The following APBA1 variants were observed in gnomAD, a reference collection of about 807,000 sequenced individuals.
The protein encoded by APBA1 is amyloid-beta A4 precursor protein-binding family A member 1.
Under a neutral mutation model 86.6 loss-of-function variants are expected in APBA1, and 55 were observed. The observed-to-expected ratio is 0.64, with a 90% CI of 0.51 to 0.80. The LOEUF (loss-of-function observed/expected upper bound fraction) is 0.80, where lower values mean the gene tolerates loss of function less well. APBA1 is among the 30% of genes least tolerant of loss of function. The pLI is 0.00. For missense variants in APBA1, 1,090 were observed against 1,183.0 expected, an observed-to-expected ratio of 0.92 and a Z score of 1.15; for synonymous variants, 511 against 493.9, an observed-to-expected ratio of 1.03 and a Z score of -0.46.
chr9:69,631,136 T>A (rs1490468894), intron 1 of APBA1, among the ~76,000 whole-genome samples: 3 of 152,184 alleles, frequency 2.0e-5, no homozygotes, highest in Non-Finnish European at 4.4e-5. Context: ...GCTGTTAGTG[T>A]CCTCCTGAAG....
At chr9:69,659,087 C>T (rs1823701613) in intron 1 of APBA1, among the ~76,000 whole-genome samples, 1 of 152,162 alleles carries the variant, frequency 6.6e-6, no homozygotes, top group Non-Finnish European at 1.5e-5. Flanking sequence ...ACACACAAAC[C>T]CTCTTCTTGG....
At chr9:69,515,696 G>C (rs1020820662) in intron 2 of APBA1, among the ~76,000 whole-genome samples, 1 of 43,594 alleles carries the variant, frequency 2.3e-5, no homozygotes, top group African/African-American at 7.5e-5. Context: ...AAACTGGGGG[G>C]GGGGGGGGCG....
intron 11 of APBA1, among the ~76,000 whole-genome samples, chr9:69,433,288 G>A (rs568815286): frequency 6.6e-6 from 1 of 152,346 alleles, no homozygotes; most frequent in South Asian, 2.1e-4. Context: ...GAGGTTGCAG[G>A]CGGGGCTGAT....
chr9:69,642,270 A>G (rs1174598337), intron 1 of APBA1, among the ~76,000 whole-genome samples: 1 of 152,270 alleles, frequency 6.6e-6, no homozygotes, highest in African/African-American at 2.4e-5. Context: ...CAACTCAATA[A>G]GATGACAAAC....
chr9:69,523,522 T>C (rs1485305742), intron 1 of APBA1, among the ~76,000 whole-genome samples: 64 of 37,776 alleles, frequency 1.7e-3, no homozygotes, highest in Admixed American at 3.2e-3. Flanking sequence ...TATATATATA[T>C]ATATATATAT....
rs1036544238 is a variant in APBA1, at chr9:69,510,662, C to T, written c.1200+5349G>A. On this transcript the variant is annotated intron_variant, in intron 2 of 12. Transcript: ENST00000265381. ...AAGCTGGAGGCATCACGCTACCTGACTTCAAACTATACTACAAGGCTACAG... is the reference window on the plus strand; with the variant it reads ...AAGCTGGAGGCATCACGCTACCTGATTTCAAACTATACTACAAGGCTACAG... Among the ~76,000 whole-genome samples the T allele has an allele frequency of 1.4e-4, 20 of 143,188 alleles. 2 individuals carry two copies. Among genetic ancestry groups the T allele is most frequent in the Non-Finnish European group, 2.1e-4 (14 of 66,936 alleles). The allele number at this position is 143,188 out of a possible 152,430, so 93.9% of individuals were successfully genotyped here. A position where few individuals can be genotyped will look rare whatever the true frequency, so the allele number is the denominator to read the frequency against.
chr9:69,611,928 T>C (rs551945545), intron 1 of APBA1, among the ~76,000 whole-genome samples: 5 of 152,300 alleles, frequency 3.3e-5, no homozygotes, highest in Admixed American at 2.0e-4. Flanking sequence ...AATTAACAAA[T>C]AAGCTAGTTT....
chr9:69,475,705 C>T (rs570226869), intron 3 of APBA1, among the ~76,000 whole-genome samples: 4 of 152,344 alleles, frequency 2.6e-5, no homozygotes, highest in Admixed American at 1.3e-4. Flanking sequence ...TGCTGTACGT[C>T]GAGTTTTTGG....
At chr9:69,521,173 G>A (rs1241848278) in intron 1 of APBA1, among the ~76,000 whole-genome samples, 1 of 152,112 alleles carries the variant, frequency 6.6e-6, no homozygotes, top group Non-Finnish European at 1.5e-5. Flanking sequence ...TCTGGTAAGG[G>A]AGGCCCCCTG....
intron 5 of APBA1, among the ~76,000 whole-genome samples, chr9:69,467,200 G>A (rs1361272802): frequency 6.6e-6 from 1 of 152,202 alleles, no homozygotes; most frequent in Non-Finnish European, 1.5e-5. Context: ...AGTTGTGAAT[G>A]ACTTAAACCA....
At chr9:69,584,140 G>C (rs898706001) in intron 1 of APBA1, among the ~76,000 whole-genome samples, 2 of 152,152 alleles carry the variant, frequency 1.3e-5, no homozygotes, top group African/African-American at 4.8e-5. Context: ...ACTTCTGCCA[G>C]TGAAAGAAAA....
intron 2 of APBA1, among the ~76,000 whole-genome samples, chr9:69,486,568 T>C (rs1419280698): frequency 6.6e-6 from 1 of 152,134 alleles, no homozygotes; most frequent in South Asian, 2.1e-4. Flanking sequence ...TAGTGGTCAG[T>C]TCTGCAGGAG....
intron 1 of APBA1, among the ~76,000 whole-genome samples, chr9:69,647,547 G>A (rs1252749303): frequency 3.3e-5 from 5 of 152,156 alleles, no homozygotes; most frequent in Non-Finnish European, 7.3e-5. Flanking sequence ...AGCTTTCAGG[G>A]TAGACAACAA....
intron 1 of APBA1, among the ~76,000 whole-genome samples, chr9:69,578,414 A>T (rs967541282): frequency 2.6e-5 from 4 of 152,144 alleles, no homozygotes; most frequent in Non-Finnish European, 4.4e-5. Context: ...TTGAGGCTCA[A>T]CTTGCAGAAC....
At chr9:69,434,950 C>A (rs1834677700) in intron 11 of APBA1, among the ~76,000 whole-genome samples, 1 of 111,088 alleles carries the variant, frequency 9.0e-6, no homozygotes, top group Non-Finnish European at 1.8e-5. Flanking sequence ...CCCCCCTCCC[C>A]CCACCCCACA....
intron 12 of APBA1, among the ~76,000 whole-genome samples, chr9:69,432,100 G>A (rs568256670): frequency 1.3e-5 from 2 of 152,368 alleles, no homozygotes; most frequent in East Asian, 3.9e-4. Context: ...CAGCTGTGAT[G>A]ACTGACAGTA....
chr9:69,567,286 A>G (rs1837042128), intron 1 of APBA1, among the ~76,000 whole-genome samples: 1 of 152,162 alleles, frequency 6.6e-6, no homozygotes, highest in South Asian at 2.1e-4. Flanking sequence ...GCACCCACAA[A>G]GGGGATGGCC....
At chr9:69,607,420 C>G (rs1175718855) in intron 1 of APBA1, among the ~76,000 whole-genome samples, 1 of 152,152 alleles carries the variant, frequency 6.6e-6, no homozygotes, top group Non-Finnish European at 1.5e-5. Context: ...CCTCCCATGA[C>G]ACATGGGAAT....
intron 10 of APBA1, among the ~76,000 whole-genome samples, chr9:69,447,873 C>T (rs752776240): frequency 3.3e-5 from 5 of 152,160 alleles, no homozygotes; most frequent in Non-Finnish European, 7.4e-5. Flanking sequence ...ACCGACCAAG[C>T]TCCCTGGGGG....
Sources: gnomAD v4.1 joint callset for allele counts (sites outside exome capture counted in the v4.1 genomes callset) on GRCh38, gnomAD v4.1.1 for gene constraint, MANE v1.5 for transcripts, NCBI Gene and HGNC (gene_info 2026-07-23, HGNC 2026-07-21) for gene names.